Variants in ICA1 observed in about 807,000 individuals in gnomAD.
ICA1 encodes 69 kDa islet cell autoantigen.
Under a neutral mutation model 71.0 loss-of-function variants are expected in ICA1, and 40 were observed. That is an observed-to-expected ratio of 0.56 (90% CI 0.44 to 0.73). ICA1 has a LOEUF of 0.73. Ranked by LOEUF, ICA1 falls within the 30% of genes least tolerant of loss-of-function variation. ICA1 has a pLI of 0.00. For missense variants in ICA1, 578 were observed against 576.5 expected, an observed-to-expected ratio of 1.00 and a Z score of -0.03; for synonymous variants, 207 against 209.5, an observed-to-expected ratio of 0.99 and a Z score of 0.10.
At chr7:8,198,624 C>T (rs778834549) in intron 6 of ICA1, among the ~76,000 whole-genome samples, 1 of 152,004 alleles carries the variant, frequency 6.6e-6, no homozygotes, top group African/African-American at 2.4e-5. Flanking sequence ...GAACAAGAGC[C>T]GAGATGACAG....
intron 1 of ICA1, among the ~76,000 whole-genome samples, chr7:8,252,452 T>C (rs1019457801): frequency 6.6e-6 from 1 of 152,202 alleles, no homozygotes; most frequent in Non-Finnish European, 1.5e-5. Context: ...ATTTTCTTTT[T>C]ATGGAAGAAT....
chr7:8,189,109 T>C (rs768100202), intron 6 of ICA1, among the ~76,000 whole-genome samples: 2 of 152,192 alleles, frequency 1.3e-5, no homozygotes, highest in Admixed American at 6.5e-5. Flanking sequence ...ATTGCAATCA[T>C]AGCACTTATG....
At chr7:8,224,528 T>C (rs187121443) in intron 4 of ICA1, among the ~76,000 whole-genome samples, 56 of 152,354 alleles carry the variant, frequency 3.7e-4, no homozygotes, top group African/African-American at 1.0e-3. Context: ...AGAGTTCCTG[T>C]ATACATTTCC....
chr7:8,220,831 GTGTGGACC>G (rs1388675851), intron 5 of ICA1, among the ~76,000 whole-genome samples: 19 of 152,098 alleles, frequency 1.2e-4, no homozygotes, highest in Admixed American at 1.2e-3. Context: ...GGTCTGAGCA[GTGTGGACC>G]TGGGCATGAG....
intron 1 of ICA1, among the ~76,000 whole-genome samples, chr7:8,241,790 A>G (rs1190610833): frequency 5.3e-5 from 8 of 152,238 alleles, no homozygotes; most frequent in Non-Finnish European, 1.0e-4. Flanking sequence ...AACATACTTT[A>G]AACCAACAAA....
intron 6 of ICA1, among the ~76,000 whole-genome samples, chr7:8,182,977 G>A (rs912315879): frequency 6.6e-6 from 1 of 152,160 alleles, no homozygotes; most frequent in South Asian, 2.1e-4. Context: ...ATGTACAGGG[G>A]ACATGCAATG....
rs748192065 is a variant in ICA1, at chr7:8,128,048, C to G, written c.1155G>C (p.Leu385Phe). The change falls in exon 13 of 14, where the codon TTG becomes TTC. Residue 385 changes from leucine (L) to phenylalanine (F), a missense_variant. Transcript: ENST00000402384. ...LLSEIFNASS[L>F]EEGEFSKEWA... ...ACTCTTTGCTGAACTCGCCCTCTTC[C>G]AAGGAGGAAGCATTGAAGATCTCAC... is the stretch of plus-strand genomic sequence containing the variant. 8 of 1,614,084 alleles carry G rather than the reference C, an allele frequency of 5.0e-6. No individual in the cohort carries two copies. The highest frequency in any genetic ancestry group is 8.5e-7 in the Non-Finnish European group (1 of 1,180,046).
intron 6 of ICA1, among the ~76,000 whole-genome samples, chr7:8,184,459 C>T (rs1486108700): frequency 6.6e-6 from 1 of 152,144 alleles, no homozygotes; most frequent in East Asian, 1.9e-4. Flanking sequence ...TATCATGGGT[C>T]ATTTTGTTAA....
intron 6 of ICA1, among the ~76,000 whole-genome samples, chr7:8,205,769 G>C (rs1278905780): frequency 6.6e-6 from 1 of 151,928 alleles, no homozygotes; most frequent in African/African-American, 2.4e-5. Context: ...TGAGAGAACA[G>C]AGTTGAGAGA....
rs1171502099 is a variant in ICA1 at position 8,222,283 on chromosome 7, G to A, written c.257-885C>T. On this transcript the variant is annotated intron_variant, in intron 4 of 13. Coordinates refer to ENST00000402384, the MANE Select transcript of ICA1 (RefSeq NM_001136020.3). This position sits in a 1 kb window ranked among gnomAD's most constrained non-coding sequence, Gnocchi z 4.8. ...CATACCCACATAATGGTACAGTGGG[G>A]GTCCTGAACACACACCAGCAGCCAA... 2.6e-5 allele frequency among the ~76,000 whole-genome samples: 4 copies of A among 152,036 alleles called. No homozygotes were observed. The East Asian group carries it at 5.8e-4, about 22-fold the overall frequency.
chr7:8,211,102 T>C (rs969294450), intron 6 of ICA1, among the ~76,000 whole-genome samples: 22 of 152,190 alleles, frequency 1.4e-4, no homozygotes, highest in African/African-American at 5.1e-4. Context: ...TCCAGAACGA[T>C]AAACACCATT....
At chr7:8,238,159 T>C (rs1156796135) in intron 1 of ICA1, among the ~76,000 whole-genome samples, 1 of 152,202 alleles carries the variant, frequency 6.6e-6, no homozygotes, top group Non-Finnish European at 1.5e-5. Flanking sequence ...TTTGCACAAA[T>C]ACACAGAATT....
intron 6 of ICA1, among the ~76,000 whole-genome samples, chr7:8,180,021 G>T (rs1023521697): frequency 1.3e-5 from 2 of 151,378 alleles, no homozygotes; most frequent in Non-Finnish European, 2.9e-5. Flanking sequence ...CTTAGATTTT[G>T]TTGTTGTTGT....
At chr7:8,153,520 T>C (rs1185219259) in intron 8 of ICA1, among the ~76,000 whole-genome samples, 1 of 152,146 alleles carries the variant, frequency 6.6e-6, no homozygotes, top group Admixed American at 6.5e-5. Context: ...CTTGATAATG[T>C]CTGCTCGGCA....
In ICA1 at chr7:8,167,875, G is replaced by C. The variant is rs151151663; in HGVS notation, c.580-9223C>G. 7.5e-3 allele frequency among the ~76,000 whole-genome samples: 1,141 copies of C among 152,250 alleles called. 15 individuals carry two copies. Among genetic ancestry groups the C allele is most frequent in the African/African-American group, 0.026 (1,087 of 41,546 alleles). Reference sequence around the variant, plus strand: ...CTTAGGATTTCTGAACCTGGAGCTAGAGTGAAAAAGTCTCCTTCCTTCTCT... The same window carrying C: ...CTTAGGATTTCTGAACCTGGAGCTACAGTGAAAAAGTCTCCTTCCTTCTCT... On this transcript the variant is annotated intron_variant, in intron 6 of 13. Transcript: ENST00000402384.
chr7:8,138,677 G>A (rs879669688), intron 12 of ICA1, among the ~76,000 whole-genome samples, 163 bp downstream of exon 12: 3 of 152,096 alleles, frequency 2.0e-5, no homozygotes, highest in Non-Finnish European at 4.4e-5. Context: ...ATACTATTTT[G>A]TGCTTGGGCA....
chr7:8,118,840 C>T (rs1785655173), intron 13 of ICA1, among the ~76,000 whole-genome samples: 3 of 152,198 alleles, frequency 2.0e-5, no homozygotes, highest in Admixed American at 2.0e-4. Flanking sequence ...AACCATGGTT[C>T]TCACAATGTG....
intron 6 of ICA1, among the ~76,000 whole-genome samples, chr7:8,166,253 T>C (rs1411620377): frequency 6.6e-6 from 1 of 152,128 alleles, no homozygotes; most frequent in Non-Finnish European, 1.5e-5. Flanking sequence ...TGTGGGCCTA[T>C]ATGCACATAA....
At position 8,262,126 on chromosome 7, in the gene ICA1, C is replaced by A. The variant is rs1812757923; in HGVS notation, c.-112G>T. 6.6e-6 allele frequency: 1 copy of A among 152,164 alleles called. No homozygotes were observed. The highest frequency in any genetic ancestry group is 2.4e-5 in the African/African-American group (1 of 41,442). The allele number at this position is 152,164 out of a possible 1,614,324, so 9.4% of individuals were successfully genotyped here. ...CCCCGGCCCCCAGGAGCCTCCCGGC[C>A]GCGGTCGGAGCGTCCCTCCGGATCA... On this transcript the variant is annotated 5_prime_UTR_variant, in exon 1 of 14. Coordinates refer to ENST00000402384, the MANE Select transcript of ICA1 (RefSeq NM_001136020.3).
Sources: allele counts gnomAD v4.1 joint callset (sites outside exome capture counted in the v4.1 genomes callset), GRCh38; gene constraint gnomAD v4.1.1; non-coding constraint Gnocchi (gnomAD v3.1); transcripts MANE v1.5; gene names NCBI Gene and HGNC (gene_info 2026-07-23, HGNC 2026-07-21).